The following BPTF variants were observed in gnomAD, a reference collection of about 807,000 sequenced individuals.
BPTF encodes nucleosome-remodeling factor subunit BPTF.
In BPTF, 18 loss-of-function variants were observed where a neutral mutation model predicts 292.5. That is an observed-to-expected ratio of 0.06 (90% CI 0.04 to 0.09). BPTF has a LOEUF of 0.09. Among genes scored for constraint, BPTF ranks in the 10% least tolerant of loss-of-function variants. The pLI is 1.00. For missense variants in BPTF, 2,726 were observed against 3,498.7 expected (o/e 0.78, Z 5.57); for synonymous variants, 1,225 against 1,251.9 (o/e 0.98, Z 0.45).
At chr17:67,966,991 T>G (rs1481448531) in intron 26 of BPTF, among the ~76,000 whole-genome samples, 5 of 151,048 alleles carry the variant, frequency 3.3e-5, no homozygotes, top group Admixed American at 1.3e-4. Flanking sequence ...TCCCAGCTAC[T>G]CAGGAGGCTG....
chr17:67,968,127 G>T (rs2068334058), intron 26 of BPTF, among the ~76,000 whole-genome samples: 1 of 151,018 alleles, frequency 6.6e-6, no homozygotes, highest in Non-Finnish European at 1.5e-5. Context: ...ATCTGCAAAA[G>T]AAATTAGAAA....
intron 15 of BPTF, among the ~76,000 whole-genome samples, chr17:67,925,473 G>A (rs1052686147): frequency 3.3e-5 from 5 of 151,948 alleles, no homozygotes; most frequent in African/African-American, 7.3e-5. Flanking sequence ...AGACCAGCCT[G>A]GGCAACATAG....
chr17:67,917,774 A>C (rs1025671655), intron 11 of BPTF, among the ~76,000 whole-genome samples: 5 of 152,070 alleles, frequency 3.3e-5, no homozygotes, highest in African/African-American at 1.2e-4. Context: ...CTCGGATTAC[A>C]GGCATGCACC....
At chr17:67,930,285 A>G (rs992997891) in intron 17 of BPTF, among the ~76,000 whole-genome samples, 1 of 151,864 alleles carries the variant, frequency 6.6e-6, no homozygotes, top group African/African-American at 2.4e-5. Flanking sequence ...TGCAAACTCC[A>G]CCTCCTGGGT....
intron 1 of BPTF, among the ~76,000 whole-genome samples, chr17:67,828,728 G>A (rs576469305): frequency 2.0e-5 from 3 of 152,016 alleles, no homozygotes; most frequent in South Asian, 2.1e-4. Context: ...GGGTTTCTCC[G>A]TGTTGGTCAG....
intron 7 of BPTF, among the ~76,000 whole-genome samples, chr17:67,898,652 A>G (rs1363134188): frequency 1.4e-5 from 2 of 146,660 alleles, no homozygotes; most frequent in East Asian, 4.8e-4. Context: ...AAATACGAGT[A>G]TATGAAGTCT....
At chr17:67,981,559 A>C in intron 27 of BPTF, 1 of 1,074,332 alleles carries the variant, frequency 9.3e-7, no homozygotes, top group South Asian at 2.4e-5. Context: ...CAGATTAGTT[A>C]ATATAATTTT....
chr17:67,913,368 G>A (rs1326895731), intron 11 of BPTF, among the ~76,000 whole-genome samples, 181 bp downstream of exon 11: 4 of 151,478 alleles, frequency 2.6e-5, no homozygotes, highest in African/African-American at 7.3e-5. Context: ...ATGTACTAAA[G>A]TTTTTGTAGG....
intron 24 of BPTF, among the ~76,000 whole-genome samples, chr17:67,962,775 C>T (rs1397741344): frequency 6.6e-6 from 1 of 152,144 alleles, no homozygotes; most frequent in African/African-American, 2.4e-5. Context: ...TCTTAGTTTT[C>T]TTCTTCATAT....
intron 19 of BPTF, among the ~76,000 whole-genome samples, chr17:67,943,918 T>C (rs1201936041): frequency 1.3e-5 from 2 of 152,208 alleles, no homozygotes; most frequent in Non-Finnish European, 2.9e-5. Context: ...TGTGGACAGA[T>C]AACTGGCTGA....
intron 1 of BPTF, among the ~76,000 whole-genome samples, chr17:67,828,018 G>A (rs1352235181): frequency 1.4e-5 from 2 of 147,094 alleles, no homozygotes; most frequent in African/African-American, 2.5e-5. Flanking sequence ...TGCAACCTCC[G>A]TCTTCCAGAC....
At chr17:67,861,232 C>G in intron 2 of BPTF, among the ~76,000 whole-genome samples, 1 of 152,148 alleles carries the variant, frequency 6.6e-6, no homozygotes, top group East Asian at 1.9e-4. Context: ...ATCAGTTTCT[C>G]TCCATTCCCA....
rs777972120 is a variant in BPTF at position 67,854,413 on chromosome 17, G to A, written c.1087G>A (p.Val363Ile). The A allele has an allele frequency of 2.5e-6, 4 of 1,614,080 alleles. No individual in the cohort carries two copies. In the South Asian group the frequency reaches 3.3e-5, roughly 13 times the overall value. ...TGGACCAGTAGAGAACAAGATCAAA[G>A]TTCTACAGTTTCTAGTCGATCAGTT... is the stretch of plus-strand genomic sequence containing the variant. ...PYGPVENKIK[V>I]LQFLVDQFLT... The change falls in exon 2 of 28, where the codon GTT (valine) becomes ATT (isoleucine). Residue 363 changes from valine (V) to isoleucine (I), a missense_variant. Coordinates refer to ENST00000306378, the MANE Select transcript of BPTF (RefSeq NM_182641.4). This position sits in a 1 kb window ranked among gnomAD's most constrained non-coding sequence, Gnocchi z 5.6.
At chr17:67,863,246 C>T (rs939800052) in intron 2 of BPTF, among the ~76,000 whole-genome samples, 3 of 152,150 alleles carry the variant, frequency 2.0e-5, no homozygotes, top group African/African-American at 7.2e-5. Flanking sequence ...TACAAACAGA[C>T]ACATCACTCC....
intron 11 of BPTF, among the ~76,000 whole-genome samples, chr17:67,913,785 C>T (rs920199344): frequency 2.6e-5 from 4 of 152,060 alleles, no homozygotes; most frequent in Non-Finnish European, 4.4e-5. Flanking sequence ...TTAGGGGATG[C>T]GTCCTAAATA....
In BPTF at chr17:67,841,064, G is replaced by A. The variant is rs190439284; in HGVS notation, c.614-12876G>A. On this transcript the variant is annotated intron_variant, in intron 1 of 27. Transcript: ENST00000306378. ...TTTTTCTTTTACACATCTGGGGTTC[G>A]TCTAACAACTCTCCCTAATCCAGAG... Among the ~76,000 whole-genome samples the A allele has an allele frequency of 7.9e-5, 12 of 152,006 alleles. No homozygotes were observed. The East Asian group carries it at 2.3e-3, about 29-fold the overall frequency.
chr17:67,874,702 ATACT>A (rs2059948636), intron 3 of BPTF, 111 bp from the exon 4 acceptor site: 2 of 669,146 alleles, frequency 3.0e-6, no homozygotes, highest in East Asian at 2.7e-5. Context: ...TGCTTTAAAA[ATACT>A]TAATTTTTCC....
chr17:67,907,304 A>G (rs936406385), intron 9 of BPTF, among the ~76,000 whole-genome samples: 10 of 151,542 alleles, frequency 6.6e-5, no homozygotes, highest in African/African-American at 1.9e-4. Flanking sequence ...AAACTACACA[A>G]ATACAAAGAG....
At chr17:67,931,345 C>T (rs1336011782) in intron 17 of BPTF, among the ~76,000 whole-genome samples, 1 of 152,134 alleles carries the variant, frequency 6.6e-6, no homozygotes, top group African/African-American at 2.4e-5. Context: ...TGGTGCCATT[C>T]ACCCATAGTC....
Sources: gnomAD v4.1 joint callset for allele counts (sites outside exome capture counted in the v4.1 genomes callset) on GRCh38, gnomAD v4.1.1 for gene constraint, Gnocchi (gnomAD v3.1) non-coding constraint, MANE v1.5 for transcripts, NCBI Gene and HGNC (gene_info 2026-07-23, HGNC 2026-07-21) for gene names.